NCOR1: variants seen among roughly 807,000 people sequenced by gnomAD.
The protein encoded by NCOR1 is nuclear receptor corepressor 1, also known as protein phosphatase 1, regulatory subunit 109.
NCOR1 carries 63 observed loss-of-function variants against 288.1 expected under a neutral mutation model. That is an observed-to-expected ratio of 0.22 (90% CI 0.18 to 0.27). NCOR1 has a LOEUF of 0.27. Among genes scored for constraint, NCOR1 ranks in the 10% least tolerant of loss-of-function variants. The pLI, the probability that NCOR1 is intolerant of heterozygous loss-of-function variation, is 1.00. For missense variants in NCOR1, 2,397 were observed against 3,019.2 expected (o/e 0.79, Z 4.83); for synonymous variants, 1,007 against 1,065.9 (o/e 0.94, Z 1.08).
chr17:16,129,133 A>G (rs1224057922), intron 14 of NCOR1, among the ~76,000 whole-genome samples: 2 of 152,216 alleles, frequency 1.3e-5, no homozygotes, highest in Non-Finnish European at 2.9e-5. Flanking sequence ...CTCAATCAAC[A>G]TAACATCTCA....
At chr17:16,135,563 C>T (rs903607679) in intron 14 of NCOR1, among the ~76,000 whole-genome samples, 9 of 152,182 alleles carry the variant, frequency 5.9e-5, no homozygotes, top group Admixed American at 2.0e-4. Flanking sequence ...CCTTCTGTAT[C>T]TTCTTCAACT....
chr17:16,067,964 G>C lies in NCOR1; in HGVS notation c.4671C>G (p.Gly1557=), dbSNP rs2152698205. The change falls in exon 32 of 46, where the codon GGC becomes GGG. Residue 1557 remains glycine (G), a synonymous_variant. Transcript: ENST00000268712. ...FDPHHRGSTA[G]EVYRSHLPTH... Reference sequence around the variant, plus strand: ...TGGGCAGGTGGCTCCGATAAACCTCGCCTGCAGTGCTGCCTCTGTGATGGG... The same window carrying C: ...TGGGCAGGTGGCTCCGATAAACCTCCCCTGCAGTGCTGCCTCTGTGATGGG... 6.2e-7 allele frequency: 1 copy of C among 1,614,176 alleles called. No individual in the cohort carries two copies. Among genetic ancestry groups the C allele is most frequent in the Non-Finnish European group, 8.5e-7 (1 of 1,180,026 alleles).
intron 3 of NCOR1, among the ~76,000 whole-genome samples, chr17:16,176,362 G>C (rs2084192107): frequency 6.6e-6 from 1 of 152,124 alleles, no homozygotes; most frequent in Non-Finnish European, 1.5e-5. Context: ...TCCACCTCCT[G>C]GGTTCAAGAG....
At chr17:16,121,715 A>G (rs1370235104) in intron 15 of NCOR1, among the ~76,000 whole-genome samples, 2 of 152,236 alleles carry the variant, frequency 1.3e-5, no homozygotes, top group African/African-American at 4.8e-5. Context: ...CCTTTTCTAT[A>G]GTAATAATCC....
intron 1 of NCOR1, among the ~76,000 whole-genome samples, chr17:16,203,045 ACACACACAC>A (rs2091040462): frequency 1.9e-5 from 1 of 53,742 alleles, no homozygotes; most frequent in South Asian, 4.8e-4. Flanking sequence ...TTCCTTACAC[ACACACACAC>A]ACACACACAC....
chr17:16,109,740 A>ATTTCTCTT lies in NCOR1; in HGVS notation c.2056-829_2056-828insAAGAGAAA, dbSNP rs2069600472. Among the ~76,000 whole-genome samples, 6 of 151,114 alleles carry ATTTCTCTT rather than the reference A, an allele frequency of 4.0e-5. No homozygotes were observed. The South Asian group carries it at 1.3e-3, about 32-fold the overall frequency. On this transcript the variant is annotated intron_variant, in intron 18 of 45. Transcript: ENST00000268712. ...TGAATTTCTTTTTACCACTCAATTTATTTTTCTTTTTTGAGACAGAATCTT... is the reference window on the plus strand; with the variant it reads ...TGAATTTCTTTTTACCACTCAATTTATTTCTCTTTTTTTCTTTTTTGAGACAGAATCTT...
intron 10 of NCOR1, among the ~76,000 whole-genome samples, chr17:16,145,471 G>A (rs571404835): frequency 6.0e-5 from 8 of 133,476 alleles, no homozygotes; most frequent in African/African-American, 1.8e-4. Flanking sequence ...CGGCCCCACC[G>A]CCCCGTCTGG....
At chr17:16,039,141 GTTACAA>G (rs2057068534) in intron 44 of NCOR1, 1 of 283,740 alleles carries the variant, frequency 3.5e-6, no homozygotes, top group African/African-American at 2.1e-5. Flanking sequence ...TTATATTTGT[GTTACAA>G]TTACAATGCA....
intron 6 of NCOR1, among the ~76,000 whole-genome samples, chr17:16,157,193 G>C (rs981158210): frequency 6.6e-6 from 1 of 151,854 alleles, no homozygotes; most frequent in African/African-American, 2.4e-5. Context: ...TCTTAAACAA[G>C]GGAGCAACTG....
intron 19 of NCOR1, among the ~76,000 whole-genome samples, chr17:16,106,446 A>AC (rs397728433): frequency 2.6e-5 from 4 of 151,840 alleles, no homozygotes; most frequent in Admixed American, 6.6e-5. Flanking sequence ...ACAAAAAAAA[A>AC]CCTTAAAGAA....
intron 1 of NCOR1, among the ~76,000 whole-genome samples, chr17:16,213,960 C>A (rs573871603): frequency 1.6e-4 from 25 of 152,218 alleles, no homozygotes; most frequent in African/African-American, 5.5e-4. Context: ...TCCATATATA[C>A]AATTAATCTT....
At chr17:16,038,416 T>C (rs1389059046) in intron 44 of NCOR1, among the ~76,000 whole-genome samples, 1 of 147,680 alleles carries the variant, frequency 6.8e-6, no homozygotes, top group Non-Finnish European at 1.5e-5. Context: ...CTGTTTCTTT[T>C]TCTTCCCTTT....
intron 22 of NCOR1, 106 bp from the exon 23 acceptor site, chr17:16,086,548 G>A: frequency 9.9e-7 from 1 of 1,008,308 alleles, no homozygotes; most frequent in Non-Finnish European, 1.4e-6. Context: ...ATTAAAAAAT[G>A]TAAGATGAAA....
intron 5 of NCOR1, among the ~76,000 whole-genome samples, chr17:16,161,660 A>T (rs2080885854): frequency 6.6e-6 from 1 of 152,180 alleles, no homozygotes; most frequent in Non-Finnish European, 1.5e-5. Context: ...ATTTAATTGA[A>T]ATTTTATTGA....
At chr17:16,047,949 T>C (rs2058860395) in intron 41 of NCOR1, among the ~76,000 whole-genome samples, 1 of 152,228 alleles carries the variant, frequency 6.6e-6, no homozygotes, top group Non-Finnish European at 1.5e-5. Flanking sequence ...AAATTGAACA[T>C]CACTCCCTCT....
At chr17:16,186,072 T>C (rs1338593292) in intron 3 of NCOR1, among the ~76,000 whole-genome samples, 2 of 152,152 alleles carry the variant, frequency 1.3e-5, no homozygotes, top group African/African-American at 2.4e-5. Context: ...GACAGAATAT[T>C]TACTATCAGT....
intron 14 of NCOR1, among the ~76,000 whole-genome samples, chr17:16,128,586 C>T (rs2075115651): frequency 6.6e-6 from 1 of 152,188 alleles, no homozygotes; most frequent in South Asian, 2.1e-4. Flanking sequence ...TTCCTTTATT[C>T]CAGTTATCTG....
At position 16,034,775 on chromosome 17, in the gene NCOR1, G is replaced by A. The variant is rs1162348245; in HGVS notation, c.7125C>T (p.Pro2375=). The A allele has an allele frequency of 6.2e-7, 1 of 1,612,426 alleles. No individual in the cohort carries two copies. The highest frequency in any genetic ancestry group is 8.5e-7 in the Non-Finnish European group (1 of 1,179,290). The change falls in exon 45 of 46, where the codon CCC becomes CCT. Residue 2375 remains proline, a synonymous_variant. Coordinates refer to ENST00000268712, the MANE Select transcript of NCOR1 (RefSeq NM_006311.4). ...AAGCAGAATCCTTACCTGTTGAAGA[G>A]GGCCTGTCTTCCCAGGCCCACCCTG... is the stretch of plus-strand genomic sequence containing the variant. The part of the protein sequence containing the change: ...QTPGWAWEDR[P]SSTGSTQFPY...
rs763227519 is a variant in NCOR1, at chr17:16,058,069, G to T, written c.6011-5C>A. The T allele has an allele frequency of 1.4e-5, 23 of 1,613,680 alleles. No homozygotes were observed. The highest frequency in any genetic ancestry group is 9.3e-6 in the Non-Finnish European group (11 of 1,179,808). On this transcript the variant is annotated splice_region_variant and splice_polypyrimidine_tract_variant and intron_variant, in intron 38 of 45. Transcript: ENST00000268712. ...CATATTGTCTGGTAGGATCATCTAG[G>T]AGAGAACACATAGATGTCTTACTCC...
Sources: allele counts gnomAD v4.1 joint callset (sites outside exome capture counted in the v4.1 genomes callset), GRCh38; gene constraint gnomAD v4.1.1; transcripts MANE v1.5; gene names NCBI Gene and HGNC (gene_info 2026-07-23, HGNC 2026-07-21).